Variants in BAZ1A observed in about 807,000 individuals in gnomAD.
BAZ1A encodes the protein bromodomain adjacent to zinc finger domain protein 1A.
A neutral mutation model predicts 185.2 loss-of-function variants in BAZ1A; 50 were observed. The observed-to-expected ratio is 0.27, with a 90% CI of 0.22 to 0.34. BAZ1A has a LOEUF of 0.34. BAZ1A is among the 10% of genes least tolerant of loss of function. The probability of loss-of-function intolerance (pLI) is 1.00; values close to 1 mark genes in which losing one functional copy is unlikely to be tolerated. For synonymous variants in BAZ1A, 571 were observed against 615.6 expected (o/e 0.93, Z 1.07); for missense variants, 1,356 against 1,839.9 (o/e 0.74, Z 4.81).
Position 34,874,694 on chromosome 14 carries a change from A to T in BAZ1A, c.-58-32T>A. ...AAATTGGAGGGAAAGGAAAGCCGGT[A>T]AGGTGGGGAGCCCTCGGCGGCAGCG... On this transcript the variant is annotated intron_variant, in intron 1 of 26. Transcript: ENST00000360310. The surrounding 1 kb of genome is among the most constrained non-coding windows in gnomAD (Gnocchi z 4.7). 8.6e-7 allele frequency: 1 copy of T among 1,168,330 alleles called. No homozygotes were observed. The highest frequency in any genetic ancestry group is 1.2e-6 in the Non-Finnish European group (1 of 827,970). The allele number at this position is 1,168,330 out of a possible 1,614,324, so 72.4% of individuals were successfully genotyped here. A position where few individuals can be genotyped will look rare whatever the true frequency, so the allele number is the denominator to read the frequency against.
chr14:34,827,965 G>C (rs1184523429), intron 3 of BAZ1A, among the ~76,000 whole-genome samples: 4 of 151,548 alleles, frequency 2.6e-5, no homozygotes, highest in Admixed American at 2.0e-4. Flanking sequence ...GGATTTTATG[G>C]GCCATGATTT....
chr14:34,780,921 G>T (rs1285263941), intron 16 of BAZ1A, among the ~76,000 whole-genome samples: 2 of 152,190 alleles, frequency 1.3e-5, no homozygotes, highest in African/African-American at 2.4e-5. Flanking sequence ...AGTAATAATA[G>T]TAACAGATCA....
In BAZ1A at chr14:34,773,584, A is replaced by G. The variant is rs756893443; in HGVS notation, c.3140T>C (p.Ile1047Thr). The change falls in exon 20 of 27, where the codon ATA becomes ACA. Residue 1047 changes from isoleucine to threonine, a missense_variant. Around this residue, in one of 7 missense-constraint regions of BAZ1A, gnomAD observed 434 missense variants for 561.7 expected, o/e 0.77. Transcript: ENST00000360310. Reference protein sequence around the residue: ...EMEIDEQTKVIVKDRLLGIKT... With the variant: ...EMEIDEQTKVTVKDRLLGIKT... ...AATCTTTTTGTACCTGTCTTTTACT[A>G]TGACCTTTGTTTGTTCATCAATTTC... is the stretch of plus-strand genomic sequence containing the variant. 47 of 1,605,408 alleles carry G rather than the reference A, an allele frequency of 2.9e-5. No homozygotes were observed. The Admixed American group carries it at 7.4e-4, about 25-fold the overall frequency.
chr14:34,761,962 A>C lies in BAZ1A; in HGVS notation c.4038T>G (p.Asp1346Glu), dbSNP rs911171566. 1 of 1,614,094 alleles carries C rather than the reference A, an allele frequency of 6.2e-7. No homozygotes were observed. The highest frequency in any genetic ancestry group is 1.1e-5 in the South Asian group (1 of 91,090). The change falls in exon 24 of 27, where the codon GAT becomes GAG. Residue 1346 changes from aspartate (D) to glutamate (E), a missense_variant. This residue lies in a region of BAZ1A where 309 missense variants were observed against 355.3 expected (regional missense o/e 0.87). Transcript: ENST00000360310. ...TRHSHGPLQA[D>E]VFVELLSPRR... ...GAGGACTAAGCAATTCCACAAATAC[A>C]TCTGCTTGCAGTGGGCCATGACTGT... is the stretch of plus-strand genomic sequence containing the variant.
At chr14:34,873,579 G>C (rs762975654) in intron 2 of BAZ1A, among the ~76,000 whole-genome samples, 1 of 151,436 alleles carries the variant, frequency 6.6e-6, no homozygotes, top group Non-Finnish European at 1.5e-5. Context: ...GGGGGATAAA[G>C]CGGCGCCTGG....
chr14:34,812,647 C>T (rs1401018588), intron 4 of BAZ1A, among the ~76,000 whole-genome samples: 1 of 152,098 alleles, frequency 6.6e-6, no homozygotes, highest in Non-Finnish European at 1.5e-5. Flanking sequence ...TCTGAAAATG[C>T]CACCTCTGTG....
In BAZ1A at chr14:34,752,779, A is replaced by G. The variant is rs1267571285; in HGVS notation, c.*729T>C. ...TTTGTACAGTTAAAAAGTTATACAT[A>G]GAAACTTATAATACAGTTCTGTAAA... On this transcript the variant is annotated 3_prime_UTR_variant, in exon 27 of 27. Transcript: ENST00000360310. 2.0e-5 allele frequency: 3 copies of G among 152,236 alleles called. No individual in the cohort carries two copies. Among genetic ancestry groups the G allele is most frequent in the Non-Finnish European group, 2.9e-5 (2 of 68,050 alleles). 9.4% of individuals were successfully genotyped at this position (152,236 alleles called of 1,614,324 possible).
intron 2 of BAZ1A, among the ~76,000 whole-genome samples, chr14:34,873,388 T>G (rs896013495): frequency 3.3e-5 from 5 of 152,306 alleles, no homozygotes; most frequent in African/African-American, 1.2e-4. Context: ...GGTTCTCACT[T>G]AGAGATCCTG....
At chr14:34,821,100 G>T (rs7342501) in intron 4 of BAZ1A, among the ~76,000 whole-genome samples, 88,221 of 151,922 alleles carry the variant, frequency 0.58, 25,831 homozygotes, top group South Asian at 0.67. Context: ...AATAACTTGC[G>T]GGGATTTTGA....
intron 17 of BAZ1A, among the ~76,000 whole-genome samples, chr14:34,779,493 A>G (rs1879898992): frequency 6.6e-6 from 1 of 152,166 alleles, no homozygotes; most frequent in African/African-American, 2.4e-5. Context: ...GTAATCAGAC[A>G]ATACAGCTTC....
At chr14:34,758,921 T>G (rs1484839728) in intron 24 of BAZ1A, 75 bp from the exon 25 acceptor site, 2 of 1,424,750 alleles carry the variant, frequency 1.4e-6, no homozygotes, top group East Asian at 4.6e-5. Flanking sequence ...ACTGGATATA[T>G]AAATACCAAA....
At chr14:34,840,855 G>C (rs2042403809) in intron 3 of BAZ1A, among the ~76,000 whole-genome samples, 3 of 152,088 alleles carry the variant, frequency 2.0e-5, no homozygotes. Context: ...TTTCTAGCTA[G>C]ACCACCTACT....
In BAZ1A at chr14:34,835,577, G is replaced by C. The variant is rs1051888466; in HGVS notation, c.393-9421C>G. Among the ~76,000 whole-genome samples the C allele has an allele frequency of 2.6e-5, 4 of 151,836 alleles. No individual in the cohort carries two copies. In the East Asian group the frequency reaches 7.7e-4, roughly 29 times the overall value. ...GTACTAACAACTTAAACACATTTCA[G>C]AGTGAAAGCAAGACTGTGGAACAGG... On this transcript the variant is annotated intron_variant, in intron 3 of 26. Coordinates refer to ENST00000360310, the MANE Select transcript of BAZ1A (RefSeq NM_013448.3).
chr14:34,761,744 G>C lies in BAZ1A; in HGVS notation c.4243+13C>G. On this transcript the variant is annotated intron_variant, in intron 24 of 26. Transcript: ENST00000360310. ...ATTTTCCTAGGGAAGGAAGAGTTTA[G>C]ATTTCTTCATACCTGGAGATTGTCT... 6.3e-7 allele frequency: 1 copy of C among 1,586,346 alleles called. No individual in the cohort carries two copies. Among genetic ancestry groups the C allele is most frequent in the South Asian group, 1.1e-5 (1 of 88,620 alleles).
chr14:34,824,366 T>C (rs1594877389), intron 4 of BAZ1A, among the ~76,000 whole-genome samples: 2 of 91,888 alleles, frequency 2.2e-5, no homozygotes, highest in South Asian at 4.5e-4. Context: ...AGAACAGGAC[T>C]CCATCTCTTT....
At chr14:34,768,347 G>GA (rs1042208510) in intron 21 of BAZ1A, among the ~76,000 whole-genome samples, 2 of 151,604 alleles carry the variant, frequency 1.3e-5, no homozygotes, top group Non-Finnish European at 3.0e-5. Flanking sequence ...GCTAGTAAAA[G>GA]AAAAAAAATG....
At chr14:34,768,624 T>C (rs968369969) in intron 21 of BAZ1A, 4 of 344,966 alleles carry the variant, frequency 1.2e-5, no homozygotes, top group East Asian at 1.6e-4. Context: ...TATTCAGCCA[T>C]AGAGAAAGTA....
chr14:34,811,078 G>C, intron 4 of BAZ1A, 42 bp from the exon 5 acceptor site: 2 of 1,335,748 alleles, frequency 1.5e-6, no homozygotes, highest in Non-Finnish European at 2.1e-6. Context: ...TTAATAATTT[G>C]GAAAATGAAA....
intron 16 of BAZ1A, among the ~76,000 whole-genome samples, chr14:34,782,718 A>G (rs910301495): frequency 6.6e-6 from 1 of 152,224 alleles, no homozygotes; most frequent in African/African-American, 2.4e-5. Flanking sequence ...ATTAAAAAGG[A>G]AAAAAGATGA....
Sources: allele counts gnomAD v4.1 joint callset (sites outside exome capture counted in the v4.1 genomes callset), GRCh38; gene constraint gnomAD v4.1.1; regional missense constraint gnomAD v4.1.1; non-coding constraint Gnocchi (gnomAD v3.1); transcripts MANE v1.5; gene names NCBI Gene and HGNC (gene_info 2026-07-23, HGNC 2026-07-21).